The following RBFOX1 variants were observed in gnomAD, a reference collection of about 807,000 sequenced individuals.
RBFOX1 encodes the protein RNA binding fox-1 homolog 1, also known as RNA binding protein fox-1 homolog 1.
RBFOX1 carries 8 observed loss-of-function variants against 57.7 expected under a neutral mutation model. The observed-to-expected ratio is 0.14, with a 90% CI of 0.08 to 0.25. RBFOX1 has a LOEUF of 0.25. RBFOX1 is among the 10% of genes least tolerant of loss of function. The pLI is 1.00. For missense variants in RBFOX1, 611 were observed against 548.5 expected, an observed-to-expected ratio of 1.11 and a Z score of -1.14; for synonymous variants, 326 against 222.4, an observed-to-expected ratio of 1.47 and a Z score of -4.15.
At chr16:5,822,183 A>T (rs983230424) in intron 3 of RBFOX1, among the ~76,000 whole-genome samples, 1 of 152,256 alleles carries the variant, frequency 6.6e-6, no homozygotes, top group Non-Finnish European at 1.5e-5. Flanking sequence ...TAACTCAGGA[A>T]TGAAAAACCA....
intron 3 of RBFOX1, among the ~76,000 whole-genome samples, chr16:6,815,632 C>G (rs905892737): frequency 2.0e-5 from 3 of 152,156 alleles, no homozygotes; most frequent in Non-Finnish European, 4.4e-5. Context: ...AAATGAGTGA[C>G]TTTCTCAAGG....
At chr16:5,724,788 C>G (rs971088118) in intron 3 of RBFOX1, among the ~76,000 whole-genome samples, 1 of 151,486 alleles carries the variant, frequency 6.6e-6, no homozygotes, top group Non-Finnish European at 1.5e-5. Context: ...TTATATTCTT[C>G]TCCTTGTTGG....
chr16:6,458,011 G>GAAAAA (rs3066910), intron 2 of RBFOX1, among the ~76,000 whole-genome samples: 10 of 150,110 alleles, frequency 6.7e-5, no homozygotes, highest in Non-Finnish European at 8.9e-5. Context: ...TCTCAAAACT[G>GAAAAA]AAAAAAAAAA....
At chr16:6,190,531 T>C (rs2097134995) in intron 1 of RBFOX1, among the ~76,000 whole-genome samples, 1 of 152,220 alleles carries the variant, frequency 6.6e-6, no homozygotes, top group Non-Finnish European at 1.5e-5. Context: ...CTCCATAGGA[T>C]TGTTATGAAG....
chr16:6,288,253 G>A (rs725153), intron 1 of RBFOX1, among the ~76,000 whole-genome samples: 32,641 of 151,974 alleles, frequency 0.21, 4,560 homozygotes, highest in African/African-American at 0.4. Context: ...TTTTTATAGC[G>A]ATGTTTATCA....
At chr16:5,761,324 C>G (rs1343667168) in intron 3 of RBFOX1, among the ~76,000 whole-genome samples, 4 of 152,172 alleles carry the variant, frequency 2.6e-5, no homozygotes, top group Non-Finnish European at 2.9e-5. Context: ...TCTAGCCACT[C>G]AGCTGCAAAG....
At chr16:7,105,892 C>G (rs1057091027) in intron 4 of RBFOX1, among the ~76,000 whole-genome samples, 3 of 152,072 alleles carry the variant, frequency 2.0e-5, no homozygotes, top group Admixed American at 6.6e-5. Context: ...GGTATTGTTT[C>G]ACTCAGGAGA....
intron 3 of RBFOX1, among the ~76,000 whole-genome samples, chr16:5,621,265 C>G (rs1272360288): frequency 6.6e-6 from 1 of 152,228 alleles, no homozygotes; most frequent in Non-Finnish European, 1.5e-5. Flanking sequence ...GCATGAGCCA[C>G]CATGCCTGGC....
At chr16:6,382,900 G>A (rs552337601) in intron 2 of RBFOX1, among the ~76,000 whole-genome samples, 82 of 152,284 alleles carry the variant, frequency 5.4e-4, no homozygotes, top group African/African-American at 1.8e-3. Flanking sequence ...ACTGAAAAGT[G>A]TTAAGTTATT....
chr16:7,508,201 G>C lies in RBFOX1; in HGVS notation c.28-9946G>C, dbSNP rs115701484. On this transcript the variant is annotated intron_variant, in intron 4 of 15. Transcript: ENST00000550418. ...GGAGTTTTAGCAGGTTGGCCTCAAA[G>C]TCCTGACCTCAAGCGATCCGCACGC... Among the ~76,000 whole-genome samples, 1,226 of 150,128 alleles carry C rather than the reference G, an allele frequency of 8.2e-3. 15 individuals are homozygous for C. Among genetic ancestry groups the C allele is most frequent in the African/African-American group, 0.028 (1,162 of 40,912 alleles).
intron 4 of RBFOX1, among the ~76,000 whole-genome samples, chr16:5,987,388 A>T (rs1461376224): frequency 6.6e-6 from 1 of 152,172 alleles, no homozygotes; most frequent in Non-Finnish European, 1.5e-5. Context: ...TTTAGTCTTG[A>T]TGAAGTCCAA....
intron 4 of RBFOX1, among the ~76,000 whole-genome samples, chr16:7,092,905 C>G (rs904038361): frequency 2.0e-5 from 3 of 152,074 alleles, no homozygotes; most frequent in African/African-American, 7.3e-5. Context: ...CACTGGAGGC[C>G]TAAGTGTCAT....
At position 6,625,740 on chromosome 16, in the gene RBFOX1, A is replaced by G. The variant is rs192946625; in HGVS notation, c.-63-28863A>G. ...TCTGTTATTTCCACCATATTTTTCAATCCAGTGAGCCTCATTACATTTGCA... is the reference window on the plus strand; with the variant it reads ...TCTGTTATTTCCACCATATTTTTCAGTCCAGTGAGCCTCATTACATTTGCA... On this transcript the variant is annotated intron_variant, in intron 2 of 15. Coordinates refer to ENST00000550418, the MANE Select transcript of RBFOX1 (RefSeq NM_018723.4). Among the ~76,000 whole-genome samples, 7 of 152,230 alleles carry G rather than the reference A, an allele frequency of 4.6e-5. No homozygotes were observed. The East Asian group carries it at 1.4e-3, about 29-fold the overall frequency.
At chr16:6,971,056 A>G (rs1598738782) in intron 3 of RBFOX1, among the ~76,000 whole-genome samples, 1 of 152,364 alleles carries the variant, frequency 6.6e-6, no homozygotes, top group Non-Finnish European at 1.5e-5. Flanking sequence ...TGTCCAAGAC[A>G]TAATGATGAA....
At chr16:6,598,695 C>G (rs988529208) in intron 2 of RBFOX1, among the ~76,000 whole-genome samples, 1 of 152,196 alleles carries the variant, frequency 6.6e-6, no homozygotes, top group African/African-American at 2.4e-5. Flanking sequence ...CGTCTGTAAT[C>G]TCAGCACTTT....
intron 1 of RBFOX1, among the ~76,000 whole-genome samples, chr16:6,275,638 T>C (rs2075724675): frequency 6.6e-6 from 1 of 152,194 alleles, no homozygotes; most frequent in East Asian, 1.9e-4. Context: ...CATTGTGTAC[T>C]GATGATAGTA....
intron 3 of RBFOX1, among the ~76,000 whole-genome samples, chr16:5,783,750 A>G (rs2054403053): frequency 6.6e-6 from 1 of 152,210 alleles, no homozygotes; most frequent in Non-Finnish European, 1.5e-5. Context: ...AAACTTACCA[A>G]AAACCTCCCT....
At position 7,676,801 on chromosome 16, in the gene RBFOX1, C is replaced by T. The variant is rs2073408201; in HGVS notation, c.958C>T (p.Gln320Ter). 1 of 1,613,242 alleles carries T rather than the reference C, an allele frequency of 6.2e-7. No homozygotes were observed. Reference sequence around the variant, plus strand: ...TGGTTATGCTGCATACCGCTACGCCCAGCCTACCCCTGCCACTGCCGCTGC... The same window carrying T: ...TGGTTATGCTGCATACCGCTACGCCTAGCCTACCCCTGCCACTGCCGCTGC... ...YGGYAAYRYAQPTPATAAAYS... is the reference protein window; with the variant it reads ...YGGYAAYRYA The change falls in exon 14 of 16, where the codon CAG (glutamine) becomes TAG (stop). Residue 320 changes from glutamine (Q) to a stop codon, truncating the protein, a stop_gained. Transcript: ENST00000550418. LOFTEE classifies it high-confidence loss of function.
chr16:6,693,495 C>A (rs896514310), intron 3 of RBFOX1, among the ~76,000 whole-genome samples: 1 of 151,618 alleles, frequency 6.6e-6, no homozygotes, highest in African/African-American at 2.4e-5. Context: ...ACCATCACCA[C>A]CATCATCATC....
Sources: gnomAD v4.1 joint callset for allele counts (sites outside exome capture counted in the v4.1 genomes callset) on GRCh38, gnomAD v4.1.1 for gene constraint, MANE v1.5 for transcripts, NCBI Gene and HGNC (gene_info 2026-07-23, HGNC 2026-07-21) for gene names.